ALK: variants seen among roughly 807,000 people sequenced by gnomAD.
ALK encodes ALK tyrosine kinase receptor.
In ALK, 74 loss-of-function variants were observed where a neutral mutation model predicts 163.1. The ratio of observed to expected loss-of-function variants is 0.45; its 90% confidence interval spans 0.38 to 0.55. The LOEUF (loss-of-function observed/expected upper bound fraction) is 0.55. Among genes scored for constraint, ALK ranks in the 20% least tolerant of loss-of-function variants. The pLI, the probability that ALK is intolerant of heterozygous loss-of-function variation, is 0.00. For synonymous variants in ALK, 960 were observed against 843.2 expected, an observed-to-expected ratio of 1.14 and a Z score of -2.40; for missense variants, 2,063 against 2,105.3, an observed-to-expected ratio of 0.98 and a Z score of 0.39.
chr2:29,683,010 C>CAA (rs1256793067), intron 3 of ALK, among the ~76,000 whole-genome samples: 1 of 152,114 alleles, frequency 6.6e-6, no homozygotes, highest in Non-Finnish European at 1.5e-5. Context: ...TAACAGCTTC[C>CAA]ATAAGAATCA....
intron 1 of ALK, among the ~76,000 whole-genome samples, chr2:29,806,321 A>C (rs56228971): frequency 4.6e-5 from 7 of 152,070 alleles, no homozygotes; most frequent in African/African-American, 1.7e-4. Flanking sequence ...TGGGAGAAAG[A>C]CTAACAGTGT....
intron 8 of ALK, among the ~76,000 whole-genome samples, chr2:29,314,488 T>C (rs1666775241): frequency 6.6e-6 from 1 of 151,934 alleles, no homozygotes; most frequent in Admixed American, 6.6e-5. Flanking sequence ...TGTGTGTATG[T>C]GTGTGTGTGT....
chr2:29,550,899 C>T (rs766532287), intron 3 of ALK, among the ~76,000 whole-genome samples: 10 of 152,022 alleles, frequency 6.6e-5, no homozygotes, highest in African/African-American at 1.4e-4. Flanking sequence ...TTAACATTGT[C>T]GTAAGCATCC....
intron 1 of ALK, among the ~76,000 whole-genome samples, chr2:29,752,348 C>CT (rs34424748): frequency 0.048 from 5,851 of 120,894 alleles, 174 homozygotes; most frequent in Non-Finnish European, 0.059. Flanking sequence ...ATTTTCTTTT[C>CT]TTTTTTTTTT....
At chr2:29,695,054 C>A (rs2148290141) in intron 2 of ALK, 40 bp from the exon 3 acceptor site, 2 of 1,613,228 alleles carry the variant, frequency 1.2e-6, no homozygotes, top group Non-Finnish European at 1.7e-6. Flanking sequence ...AAACCATTTC[C>A]CAAACGTGAC....
In ALK at chr2:29,647,777, T is replaced by TC. The variant is rs1553341555; in HGVS notation, c.952+47072_952+47073insG. On this transcript the variant is annotated intron_variant, in intron 3 of 28. Transcript: ENST00000389048. Reference sequence around the variant, plus strand: ...ATGCACCACGTTCATGATTTTTTCTTTTTTTTTTTTTTTTTTTGCCACAGT... The same window carrying TC: ...ATGCACCACGTTCATGATTTTTTCTTCTTTTTTTTTTTTTTTTTGCCACAGT... Among the ~76,000 whole-genome samples, 6 of 135,620 alleles carry TC rather than the reference T, an allele frequency of 4.4e-5. No homozygotes were observed. In the South Asian group the frequency reaches 6.7e-4, roughly 15 times the overall value. 89.0% of individuals were successfully genotyped at this position (135,620 alleles called of 152,430 possible).
At chr2:29,308,500 T>G (rs1047469487) in intron 8 of ALK, among the ~76,000 whole-genome samples, 1 of 152,238 alleles carries the variant, frequency 6.6e-6, no homozygotes, top group Non-Finnish European at 1.5e-5. Flanking sequence ...TTTACCCACT[T>G]CAGGGAGAAT....
At chr2:29,452,639 A>G (rs1178514743) in intron 4 of ALK, among the ~76,000 whole-genome samples, 1 of 152,236 alleles carries the variant, frequency 6.6e-6, no homozygotes, top group Non-Finnish European at 1.5e-5. Context: ...CCCATAAGAT[A>G]CTAATTAATT....
At chr2:29,466,137 A>C (rs1443218456) in intron 4 of ALK, among the ~76,000 whole-genome samples, 1 of 152,180 alleles carries the variant, frequency 6.6e-6, no homozygotes, top group Non-Finnish European at 1.5e-5. Flanking sequence ...ACAAACAAAT[A>C]CTTCAGTAAA....
intron 5 of ALK, among the ~76,000 whole-genome samples, chr2:29,351,570 C>T (rs923339524): frequency 1.3e-5 from 2 of 152,164 alleles, no homozygotes; most frequent in Non-Finnish European, 2.9e-5. Flanking sequence ...ACTAGACTGG[C>T]CACACCTGTG....
chr2:29,788,530 C>T (rs555985345), intron 1 of ALK, among the ~76,000 whole-genome samples: 4 of 152,144 alleles, frequency 2.6e-5, no homozygotes, highest in South Asian at 2.1e-4. Context: ...CATGAGAAAG[C>T]GAAAGGGAGG....
chr2:29,826,467 C>G (rs1258111590), intron 1 of ALK, among the ~76,000 whole-genome samples: 1 of 150,388 alleles, frequency 6.6e-6, no homozygotes, highest in Non-Finnish European at 1.5e-5. Context: ...AAAAAAAAGA[C>G]AATCTTAGGT....
At chr2:29,676,937 T>C (rs1677890950) in intron 3 of ALK, among the ~76,000 whole-genome samples, 4 of 152,060 alleles carry the variant, frequency 2.6e-5, no homozygotes, top group Admixed American at 2.0e-4. Flanking sequence ...GAAATTGTTG[T>C]TAGAACATAG....
At chr2:29,583,865 GAC>G (rs1391423799) in intron 3 of ALK, among the ~76,000 whole-genome samples, 2 of 152,294 alleles carry the variant, frequency 1.3e-5, no homozygotes, top group East Asian at 3.9e-4. Context: ...AAATAAATGA[GAC>G]AACCTATTTA....
At chr2:29,755,751 G>A (rs1256602205) in intron 1 of ALK, among the ~76,000 whole-genome samples, 2 of 152,118 alleles carry the variant, frequency 1.3e-5, no homozygotes, top group Admixed American at 6.5e-5. Context: ...CCAATGAGAG[G>A]ACACCCAGGG....
intron 1 of ALK, among the ~76,000 whole-genome samples, chr2:29,863,091 C>T (rs943300919): frequency 3.9e-5 from 6 of 152,108 alleles, no homozygotes; most frequent in Non-Finnish European, 5.9e-5. Context: ...ATCTTTATCT[C>T]GCCCCATATA....
chr2:29,535,728 A>AAGTG (rs372230093), intron 3 of ALK, among the ~76,000 whole-genome samples: 43 of 152,256 alleles, frequency 2.8e-4, no homozygotes, highest in African/African-American at 1.0e-3. Flanking sequence ...TGGTAAAATG[A>AAGTG]AGTGTTGGAT....
intron 9 of ALK, among the ~76,000 whole-genome samples, chr2:29,280,936 A>G (rs564299544): frequency 4.3e-4 from 66 of 152,110 alleles, no homozygotes; most frequent in African/African-American, 1.5e-3. Context: ...GACTGAGGGA[A>G]GGTTCTGGTA....
chr2:29,489,626 G>A (rs1671854498), intron 4 of ALK, among the ~76,000 whole-genome samples: 1 of 152,162 alleles, frequency 6.6e-6, no homozygotes, highest in Non-Finnish European at 1.5e-5. Flanking sequence ...TTAATCTGAT[G>A]TTCAATACTG....
Sources: allele counts gnomAD v4.1 joint callset (sites outside exome capture counted in the v4.1 genomes callset), GRCh38; gene constraint gnomAD v4.1.1; transcripts MANE v1.5; gene names NCBI Gene and HGNC (gene_info 2026-07-23, HGNC 2026-07-21).